The following RUNDC3B variants were observed in gnomAD, a reference collection of about 807,000 sequenced individuals.
RUNDC3B encodes RUN domain-containing protein 3B.
In RUNDC3B, 33 loss-of-function variants were observed where a neutral mutation model predicts 58.4. The ratio of observed to expected loss-of-function variants is 0.56; its 90% CI spans 0.43 to 0.75. RUNDC3B has a LOEUF of 0.75. Among genes scored for constraint, RUNDC3B ranks in the 30% least tolerant of loss-of-function variants. RUNDC3B has a pLI of 0.00. For missense variants in RUNDC3B, 501 were observed against 535.7 expected, an observed-to-expected ratio of 0.94 and a Z score of 0.64; for synonymous variants, 193 against 195.2, an observed-to-expected ratio of 0.99 and a Z score of 0.10.
chr7:87,711,079 C>A (rs1427136550), intron 4 of RUNDC3B, among the ~76,000 whole-genome samples: 1 of 152,020 alleles, frequency 6.6e-6, no homozygotes, highest in Non-Finnish European at 1.5e-5. Context: ...ATAATCCCAG[C>A]ACTTTGGGAG....
At chr7:87,715,234 C>G (rs1376555591) in intron 4 of RUNDC3B, among the ~76,000 whole-genome samples, 1 of 125,092 alleles carries the variant, frequency 8.0e-6, no homozygotes, top group African/African-American at 3.1e-5. Context: ...TATATAAGGA[C>G]TTTATATATA....
At chr7:87,670,895 T>C (rs1219391461) in intron 2 of RUNDC3B, among the ~76,000 whole-genome samples, 3 of 152,214 alleles carry the variant, frequency 2.0e-5, no homozygotes, top group African/African-American at 4.8e-5. Flanking sequence ...AGTGTGAGTT[T>C]CTCTCCCCCT....
At chr7:87,691,623 C>T (rs780401071) in intron 2 of RUNDC3B, among the ~76,000 whole-genome samples, 16 of 152,072 alleles carry the variant, frequency 1.1e-4, no homozygotes, top group Non-Finnish European at 2.4e-4. Context: ...CTTTGTCATA[C>T]GCTTGTTTAT....
intron 2 of RUNDC3B, among the ~76,000 whole-genome samples, chr7:87,655,947 A>G (rs1226395807): frequency 6.6e-6 from 1 of 152,112 alleles, no homozygotes; most frequent in Non-Finnish European, 1.5e-5. Flanking sequence ...TGGAGACACA[A>G]CATTCCTTCA....
At chr7:87,822,034 G>C (rs1163031393) in intron 10 of RUNDC3B, among the ~76,000 whole-genome samples, 1 of 151,786 alleles carries the variant, frequency 6.6e-6, no homozygotes, top group Admixed American at 6.6e-5. Context: ...AGCCAAAATT[G>C]ACAAATGGGA....
At chr7:87,749,625 A>C (rs906110969) in intron 6 of RUNDC3B, among the ~76,000 whole-genome samples, 2 of 152,168 alleles carry the variant, frequency 1.3e-5, no homozygotes, top group African/African-American at 4.8e-5. Flanking sequence ...TTTTTTAAAA[A>C]TCTACTAGAT....
intron 9 of RUNDC3B, among the ~76,000 whole-genome samples, chr7:87,810,860 A>G (rs1836677358): frequency 6.6e-6 from 1 of 152,146 alleles, no homozygotes; most frequent in Admixed American, 6.5e-5. Flanking sequence ...ACAATTTAAC[A>G]TGATACCATG....
intron 2 of RUNDC3B, among the ~76,000 whole-genome samples, chr7:87,676,179 A>T (rs1187836410): frequency 6.6e-6 from 1 of 152,080 alleles, no homozygotes; most frequent in Non-Finnish European, 1.5e-5. Flanking sequence ...GTGAGCTATC[A>T]CCTCATCACT....
In RUNDC3B at chr7:87,770,690, A is replaced by G; in HGVS notation, c.739A>G (p.Ser247Gly). ...VGPPFLMDEN[S>G]WFNKCKRVKQ... ...ACCTCCTTTCCTCATGGATGAGAAC[A>G]GTTGGTTCAACAAGTGTAAGAGAGT... is the stretch of plus-strand genomic sequence containing the variant. The change falls in exon 7 of 11, where the codon AGT becomes GGT. Residue 247 changes from serine to glycine, a missense_variant. By Grantham distance (56) the Ser-to-Gly change is moderately conservative. Coordinates refer to ENST00000394654, the MANE Select transcript of RUNDC3B (RefSeq NM_001134405.2). The G allele has an allele frequency of 3.1e-6, 5 of 1,613,792 alleles. No individual in the cohort carries two copies. The highest frequency in any genetic ancestry group is 1.1e-5 in the South Asian group (1 of 91,072).
intron 2 of RUNDC3B, chr7:87,659,167 AAACAAC>A: frequency 4.9e-6 from 2 of 409,930 alleles, no homozygotes. Context: ...GTCTCAAAAC[AAACAAC>A]AACAACAAAA....
chr7:87,646,932 T>TA (rs1823065631), intron 1 of RUNDC3B, among the ~76,000 whole-genome samples: 1 of 152,194 alleles, frequency 6.6e-6, no homozygotes, highest in African/African-American at 2.4e-5. Context: ...TTACTTCCTA[T>TA]ATGTTATTTC....
chr7:87,782,458 C>T (rs968888170), intron 8 of RUNDC3B, among the ~76,000 whole-genome samples: 9 of 151,778 alleles, frequency 5.9e-5, no homozygotes, highest in African/African-American at 2.2e-4. Context: ...GTTTTTGTGT[C>T]TCAGTTTTGT....
chr7:87,737,862 TA>T lies in RUNDC3B; in HGVS notation c.459-1925del, dbSNP rs568816054. 5.2e-3 allele frequency among the ~76,000 whole-genome samples: 786 copies of T among 152,200 alleles called. 6 individuals carry two copies. Among genetic ancestry groups the T allele is most frequent in the Middle Eastern group, 0.01 (3 of 294 alleles). ...GAAAATTTACTTATTTACTAATGAG[TA>T]AAACTAAAGTGAAAAACTCATTAAA... On this transcript the variant is annotated intron_variant, in intron 4 of 10. Coordinates refer to ENST00000394654, the MANE Select transcript of RUNDC3B (RefSeq NM_001134405.2).
chr7:87,638,299 T>C (rs1439395020), intron 1 of RUNDC3B, among the ~76,000 whole-genome samples: 1 of 152,024 alleles, frequency 6.6e-6, no homozygotes, highest in South Asian at 2.1e-4. Context: ...TCTGGTTTTG[T>C]CATTAAGATT....
At chr7:87,702,155 A>AC (rs1829127137) in intron 3 of RUNDC3B, among the ~76,000 whole-genome samples, 1 of 148,702 alleles carries the variant, frequency 6.7e-6, no homozygotes, top group Non-Finnish European at 1.5e-5. Context: ...AAAAAAAAAA[A>AC]AAAAAAAAAA....
chr7:87,695,460 C>G (rs898912164), intron 2 of RUNDC3B, among the ~76,000 whole-genome samples: 1 of 151,984 alleles, frequency 6.6e-6, no homozygotes. Flanking sequence ...AACCAATTTT[C>G]TTTAAGTATC....
At chr7:87,820,150 TAAAG>T (rs1188201434) in intron 10 of RUNDC3B, among the ~76,000 whole-genome samples, 5 of 151,720 alleles carry the variant, frequency 3.3e-5, no homozygotes, top group Non-Finnish European at 7.4e-5. Context: ...GCAAGAATAA[TAAAG>T]AAGAAAAGAG....
At chr7:87,639,812 G>C (rs1822241322) in intron 1 of RUNDC3B, among the ~76,000 whole-genome samples, 1 of 151,760 alleles carries the variant, frequency 6.6e-6, no homozygotes, top group Non-Finnish European at 1.5e-5. Context: ...AGGTAAGATA[G>C]GATTGAATTT....
intron 4 of RUNDC3B, among the ~76,000 whole-genome samples, chr7:87,731,650 CAA>C (rs1170017442): frequency 1.3e-5 from 2 of 151,928 alleles, no homozygotes; most frequent in East Asian, 1.9e-4. Flanking sequence ...GATTTTAAGA[CAA>C]AGACTATAAA....
Sources: allele counts gnomAD v4.1 joint callset (sites outside exome capture counted in the v4.1 genomes callset), GRCh38; gene constraint gnomAD v4.1.1; transcripts MANE v1.5; gene names NCBI Gene and HGNC (gene_info 2026-07-23, HGNC 2026-07-21).